GOLM1: variants seen among roughly 807,000 people sequenced by gnomAD.
GOLM1 encodes the protein golgi membrane protein 1.
GOLM1 carries 31 observed loss-of-function variants against 50.5 expected under a neutral mutation model. That is an observed-to-expected ratio of 0.61 (90% CI 0.46 to 0.83). The LOEUF is 0.83. Among genes scored for constraint, GOLM1 ranks in the 40% least tolerant of loss-of-function variants. The pLI is 0.00. For synonymous variants in GOLM1, 178 were observed against 192.8 expected (o/e 0.92, Z 0.64); for missense variants, 491 against 501.3 (o/e 0.98, Z 0.20).
chr9:86,040,992 G>A, intron 5 of GOLM1, 124 bp from the exon 6 acceptor site: 2 of 855,976 alleles, frequency 2.3e-6, no homozygotes, highest in East Asian at 2.5e-5. Context: ...TCTGAAGAGG[G>A]CACTTAAGAC....
At chr9:86,046,333 G>C (rs1460837562) in intron 5 of GOLM1, 137 bp downstream of exon 5, 1 of 630,204 alleles carries the variant, frequency 1.6e-6, no homozygotes, top group Non-Finnish European at 2.9e-6. Flanking sequence ...ATGAATCCTA[G>C]AGGGGCCCGT....
intron 1 of GOLM1, among the ~76,000 whole-genome samples, chr9:86,081,420 T>G (rs911804138): frequency 4.0e-5 from 6 of 151,810 alleles, no homozygotes; most frequent in Non-Finnish European, 7.4e-5. Context: ...GGTCTGGAAC[T>G]CCCAACCTCA....
At position 86,079,248 on chromosome 9, in the gene GOLM1, T is replaced by C; in HGVS notation, c.73A>G (p.Ile25Val). 2 of 1,611,098 alleles carry C rather than the reference T, an allele frequency of 1.2e-6. No homozygotes were observed. Among genetic ancestry groups the C allele is most frequent in the South Asian group, 1.1e-5 (1 of 90,906 alleles). Residue 25 changes from isoleucine to valine, a missense_variant, in exon 2 of 10, where the codon ATC becomes GTC. Ile to Val is a conservative substitution (Grantham distance 29). Transcript: ENST00000388712. ...PLVLAALVAC[I>V]IVLGFNYWIA... ...CAGTAGTTGAAGCCCAAGACGATGATGCAGGCCACCAGGGCGGCCAGCACG... is the reference window on the plus strand; with the variant it reads ...CAGTAGTTGAAGCCCAAGACGATGACGCAGGCCACCAGGGCGGCCAGCACG...
At chr9:86,030,218 CAAAAAAAAAAAAAAAA>C (rs35215928) in intron 9 of GOLM1, among the ~76,000 whole-genome samples, 1 of 73,440 alleles carries the variant, frequency 1.4e-5, no homozygotes, top group Non-Finnish European at 2.5e-5. Flanking sequence ...GACTCTGTCT[CAAAAAAAAAAAAAAAA>C]AAAAAAAAGA....
At chr9:86,060,707 C>T (rs545381680) in intron 3 of GOLM1, among the ~76,000 whole-genome samples, 5 of 151,386 alleles carry the variant, frequency 3.3e-5, no homozygotes, top group East Asian at 1.9e-4. Context: ...GGAGAAGCCC[C>T]GTCTCTACTA....
At chr9:86,083,363 C>T (rs1001680769) in intron 1 of GOLM1, among the ~76,000 whole-genome samples, 4 of 152,160 alleles carry the variant, frequency 2.6e-5, no homozygotes, top group African/African-American at 4.8e-5. Flanking sequence ...AGTACAGATG[C>T]AACCACAGTA....
At chr9:86,072,903 GGT>G (rs34208566) in intron 3 of GOLM1, among the ~76,000 whole-genome samples, 2,682 of 152,208 alleles carry the variant, frequency 0.018, 76 homozygotes, top group African/African-American at 0.061. Flanking sequence ...GTAACACAGT[GGT>G]AAGTATTTGT....
chr9:86,073,988 A>C (rs889771837), intron 3 of GOLM1, among the ~76,000 whole-genome samples: 2 of 152,054 alleles, frequency 1.3e-5, no homozygotes, highest in African/African-American at 4.8e-5. Context: ...TTGGTTTCCA[A>C]GCTTTTGTCC....
At chr9:86,028,842 C>CT (rs35054627) in intron 9 of GOLM1, among the ~76,000 whole-genome samples, 3,724 of 106,724 alleles carry the variant, frequency 0.035, 54 homozygotes, top group Middle Eastern at 0.056. Flanking sequence ...GATAAGGGAA[C>CT]TTTTTTTTTT....
intron 9 of GOLM1, among the ~76,000 whole-genome samples, chr9:86,029,689 TCTCA>T (rs1239974901): frequency 1.3e-5 from 2 of 152,134 alleles, no homozygotes; most frequent in East Asian, 1.9e-4. Flanking sequence ...GCAAGTAAGG[TCTCA>T]CTGTTTCAAT....
chr9:86,026,593 G>A lies in GOLM1; in HGVS notation c.*1224C>T. 1.0e-6 allele frequency: 1 copy of A among 972,266 alleles called. No homozygotes were observed. 60.2% of individuals were successfully genotyped at this position (972,266 alleles called of 1,614,324 possible). A position where few individuals can be genotyped will look rare whatever the true frequency, so the allele number is the denominator to read the frequency against. The stretch of plus-strand genomic sequence containing the variant: ...GGGCCTTAGCATCTCAAATCCTGTG[G>A]ATCCTCCTACTTACCCCTTAGAGAG... On this transcript the variant is annotated 3_prime_UTR_variant, in exon 10 of 10. Transcript: ENST00000388712.
intron 3 of GOLM1, among the ~76,000 whole-genome samples, chr9:86,073,321 G>A (rs1048722266): frequency 1.3e-5 from 2 of 152,130 alleles, no homozygotes; most frequent in African/African-American, 4.8e-5. Flanking sequence ...CAGAGAGTCT[G>A]ATCTAGTGTA....
chr9:86,052,952 CCACACCACACAG>C (rs759452984), intron 3 of GOLM1, among the ~76,000 whole-genome samples: 1 of 84,518 alleles, frequency 1.2e-5, no homozygotes, highest in Non-Finnish European at 2.5e-5. Context: ...TCACACCGCA[CCACACCACACAG>C]CACTCCACAC....
chr9:86,079,602 G>T, intron 1 of GOLM1: 1 of 321,390 alleles, frequency 3.1e-6, no homozygotes, highest in Non-Finnish European at 5.6e-6. Flanking sequence ...ACCTGCCACA[G>T]ATTAGCTCGA....
At chr9:86,083,607 C>T (rs1464832809) in intron 1 of GOLM1, among the ~76,000 whole-genome samples, 3 of 152,176 alleles carry the variant, frequency 2.0e-5, no homozygotes, top group Admixed American at 6.5e-5. Flanking sequence ...AGGCTGGTCT[C>T]GAATTCTCGG....
intron 4 of GOLM1, among the ~76,000 whole-genome samples, chr9:86,049,343 C>T (rs571039224): frequency 9.2e-5 from 14 of 152,080 alleles, no homozygotes; most frequent in East Asian, 3.9e-4. Context: ...AGGATTGTCT[C>T]GGCAATGTGG....
chr9:86,088,781 T>C (rs1160977092), intron 1 of GOLM1, among the ~76,000 whole-genome samples: 1 of 152,040 alleles, frequency 6.6e-6, no homozygotes, highest in Non-Finnish European at 1.5e-5. Context: ...AATATTGTTA[T>C]GTGTGAATTT....
intron 1 of GOLM1, among the ~76,000 whole-genome samples, chr9:86,081,541 C>A (rs1282818857): frequency 6.6e-6 from 1 of 152,028 alleles, no homozygotes; most frequent in Non-Finnish European, 1.5e-5. Flanking sequence ...GAGGGGGTGG[C>A]AGGGACTTTT....
intron 5 of GOLM1, among the ~76,000 whole-genome samples, chr9:86,046,124 A>C (rs553911283): frequency 1.3e-5 from 2 of 152,208 alleles, no homozygotes; most frequent in African/African-American, 4.8e-5. Context: ...TACTATATCA[A>C]TATTTTGCCA....
Sources: gnomAD v4.1 joint callset for allele counts (sites outside exome capture counted in the v4.1 genomes callset) on GRCh38, gnomAD v4.1.1 for gene constraint, MANE v1.5 for transcripts, NCBI Gene and HGNC (gene_info 2026-07-23, HGNC 2026-07-21) for gene names.